The following CAMK4 variants were observed in gnomAD, a reference collection of about 807,000 sequenced individuals.
The protein encoded by CAMK4 is calcium/calmodulin dependent protein kinase IV, also known as calcium/calmodulin-dependent protein kinase type IV.
In CAMK4, 22 loss-of-function variants were observed where a neutral mutation model predicts 44.9. The observed-to-expected ratio is 0.49, with a 90% CI of 0.35 to 0.70. The LOEUF is 0.70. Ranked by LOEUF, CAMK4 falls within the 30% of genes least tolerant of loss-of-function variation. CAMK4 has a pLI of 0.01. For synonymous variants in CAMK4, 218 were observed against 215.4 expected, an observed-to-expected ratio of 1.01 and a Z score of -0.11; for missense variants, 498 against 586.8, an observed-to-expected ratio of 0.85 and a Z score of 1.56.
chr5:111,244,412 A>G (rs1339980042), intron 1 of CAMK4, among the ~76,000 whole-genome samples: 1 of 152,182 alleles, frequency 6.6e-6, no homozygotes, highest in Non-Finnish European at 1.5e-5. Context: ...ATGTATTGGA[A>G]TCACAGTTAA....
At chr5:111,293,495 C>G (rs1286064668) in intron 1 of CAMK4, among the ~76,000 whole-genome samples, 2 of 151,520 alleles carry the variant, frequency 1.3e-5, no homozygotes, top group Non-Finnish European at 2.9e-5. Flanking sequence ...GGCGTGATCT[C>G]AGCTCACTGC....
At position 111,342,114 on chromosome 5, in the gene CAMK4, T is replaced by C. The variant is rs7714238; in HGVS notation, c.162-1910T>C. The stretch of plus-strand genomic sequence containing the variant: ...GATGTTTTGGTGGAGAGTTTTTTTT[T>C]CTAAATGTCACTTAGTATAATTTAG... On this transcript the variant is annotated intron_variant, in intron 1 of 10. Transcript: ENST00000282356. 9.3e-3 allele frequency among the ~76,000 whole-genome samples: 1,416 copies of C among 151,576 alleles called. 23 individuals carry two copies. Among genetic ancestry groups the C allele is most frequent in the African/African-American group, 0.032 (1,342 of 41,454 alleles).
At chr5:111,231,680 T>C (rs574843766) in intron 1 of CAMK4, among the ~76,000 whole-genome samples, 8 of 152,106 alleles carry the variant, frequency 5.3e-5, no homozygotes, top group Non-Finnish European at 8.8e-5. Context: ...ATTCCACTTC[T>C]GCTATTTGCT....
intron 2 of CAMK4, among the ~76,000 whole-genome samples, chr5:111,363,001 C>T (rs888676864): frequency 6.6e-6 from 1 of 152,046 alleles, no homozygotes; most frequent in African/African-American, 2.4e-5. Flanking sequence ...TCAAATTAAA[C>T]GCAAGGTGTG....
rs1175082448 is a variant in CAMK4, at chr5:111,457,827, T to C, written c.625+8624T>C. On this transcript the variant is annotated intron_variant, in intron 7 of 10. Coordinates refer to ENST00000282356, the MANE Select transcript of CAMK4 (RefSeq NM_001744.6). ...GTGAAATAATAAGAGTCTTAAATTA[T>C]ACTGCAATCCAATCAAGTAAAGGAC... is the stretch of plus-strand genomic sequence containing the variant. 2.6e-5 allele frequency among the ~76,000 whole-genome samples: 4 copies of C among 152,236 alleles called. No homozygotes were observed. In the South Asian group the frequency reaches 8.3e-4, roughly 32 times the overall value.
chr5:111,427,300 A>G (rs1753261571), intron 5 of CAMK4, among the ~76,000 whole-genome samples: 1 of 152,176 alleles, frequency 6.6e-6, no homozygotes, highest in Non-Finnish European at 1.5e-5. Flanking sequence ...GGCAGTATTC[A>G]TCACCTGCTA....
In CAMK4 at chr5:111,485,110, C is replaced by A. The variant is rs1268816710; in HGVS notation, c.*644C>A. The A allele has an allele frequency of 6.6e-6, 1 of 152,006 alleles. No individual in the cohort carries two copies. The highest frequency in any genetic ancestry group is 1.5e-5 in the Non-Finnish European group (1 of 67,998). 9.4% of individuals were successfully genotyped at this position (152,006 alleles called of 1,614,324 possible). A position where few individuals can be genotyped will look rare whatever the true frequency, so the allele number is the denominator to read the frequency against. On this transcript the variant is annotated 3_prime_UTR_variant, in exon 11 of 11. Transcript: ENST00000282356. Reference sequence around the variant, plus strand: ...TTATATACACTATATTAATAATAACCAAAATGTTCTAAGATTCTGCCATTT... The same window carrying A: ...TTATATACACTATATTAATAATAACAAAAATGTTCTAAGATTCTGCCATTT...
chr5:111,275,071 T>C (rs1266187973), intron 1 of CAMK4, among the ~76,000 whole-genome samples: 1 of 152,162 alleles, frequency 6.6e-6, no homozygotes, highest in East Asian at 1.9e-4. Context: ...GTATACATTG[T>C]AGAATGATTA....
At position 111,433,267 on chromosome 5, in the gene CAMK4, G is replaced by A. The variant is rs189752542; in HGVS notation, c.460-13419G>A. On this transcript the variant is annotated intron_variant, in intron 5 of 10. Coordinates refer to ENST00000282356, the MANE Select transcript of CAMK4 (RefSeq NM_001744.6). ...TTAAAAGGGCTTGATGACTGAGGAA[G>A]GAGTAATCTAGAGTTGTATTCATTC... 3.6e-4 allele frequency among the ~76,000 whole-genome samples: 55 copies of A among 152,326 alleles called. No homozygotes were observed. The Middle Eastern group carries it at 0.031, about 85-fold the overall frequency.
chr5:111,324,618 C>T (rs1005818718), intron 1 of CAMK4, among the ~76,000 whole-genome samples: 2 of 151,692 alleles, frequency 1.3e-5, no homozygotes, highest in African/African-American at 4.8e-5. Context: ...TTTTAACACC[C>T]CCCTCTCAAA....
At chr5:111,373,437 A>G (rs1334013713) in intron 2 of CAMK4, among the ~76,000 whole-genome samples, 1 of 143,194 alleles carries the variant, frequency 7.0e-6, no homozygotes, top group South Asian at 2.3e-4. Context: ...ATATATTTAT[A>G]TGTTGCAACC....
intron 1 of CAMK4, among the ~76,000 whole-genome samples, chr5:111,236,595 C>T (rs954890536): frequency 6.6e-6 from 1 of 152,186 alleles, no homozygotes; most frequent in African/African-American, 2.4e-5. Context: ...CCTCAGTGAT[C>T]TTCATATCTC....
chr5:111,249,819 A>G (rs543460731), intron 1 of CAMK4, among the ~76,000 whole-genome samples: 1 of 145,706 alleles, frequency 6.9e-6, no homozygotes, highest in South Asian at 2.1e-4. Context: ...GCTTTTATAT[A>G]ATTTATATAA....
rs1211782231 is a variant in CAMK4 at position 111,485,727 on chromosome 5, A to G, written c.*1261A>G. The G allele has an allele frequency of 1.3e-5, 2 of 152,156 alleles. No individual in the cohort carries two copies. The highest frequency in any genetic ancestry group is 4.8e-5 in the African/African-American group (2 of 41,440). 9.4% of individuals were successfully genotyped at this position (152,156 alleles called of 1,614,324 possible). A position where few individuals can be genotyped will look rare whatever the true frequency, so the allele number is the denominator to read the frequency against. On this transcript the variant is annotated 3_prime_UTR_variant, in exon 11 of 11. Transcript: ENST00000282356. The stretch of plus-strand genomic sequence containing the variant: ...AAAACAAACAAAAACAAAAATAAAG[A>G]AAAATACTGATTTCAAATCAGACTC...
intron 4 of CAMK4, 69 bp downstream of exon 4, chr5:111,377,011 C>T (rs1443847558): frequency 2.2e-6 from 2 of 921,426 alleles, no homozygotes; most frequent in Non-Finnish European, 3.4e-6. Context: ...ATCTAAAGGA[C>T]ATTTCTCCTG....
chr5:111,351,855 A>G (rs868367901), intron 2 of CAMK4, among the ~76,000 whole-genome samples: 1 of 152,092 alleles, frequency 6.6e-6, no homozygotes, highest in African/African-American at 2.4e-5. Flanking sequence ...GGCTTATACG[A>G]TAGAAATTTA....
intron 1 of CAMK4, among the ~76,000 whole-genome samples, chr5:111,340,431 A>T (rs1580617967): frequency 6.6e-6 from 1 of 151,282 alleles, no homozygotes; most frequent in Non-Finnish European, 1.5e-5. Context: ...TCATGAATAG[A>T]TGTTAAATTT....
chr5:111,420,528 C>G (rs1752987968), intron 5 of CAMK4, among the ~76,000 whole-genome samples: 1 of 152,096 alleles, frequency 6.6e-6, no homozygotes, highest in African/African-American at 2.4e-5. Context: ...GTTTTGAGAG[C>G]AACTGGTCTG....
chr5:111,331,188 A>G (rs925396710), intron 1 of CAMK4, among the ~76,000 whole-genome samples: 3 of 151,710 alleles, frequency 2.0e-5, no homozygotes, highest in Admixed American at 6.6e-5. Flanking sequence ...ATTGACTGGG[A>G]GAATACACAT....
Sources: allele counts gnomAD v4.1 joint callset (sites outside exome capture counted in the v4.1 genomes callset), GRCh38; gene constraint gnomAD v4.1.1; transcripts MANE v1.5; gene names NCBI Gene and HGNC (gene_info 2026-07-23, HGNC 2026-07-21).